Variants in DHX37 observed in about 807,000 individuals in gnomAD.
DHX37 encodes DEAH-box helicase 37.
A neutral mutation model predicts 134.3 loss-of-function variants in DHX37; 52 were observed. The ratio of observed to expected loss-of-function variants is 0.39; its 90% CI spans 0.31 to 0.49. The LOEUF (loss-of-function observed/expected upper bound fraction) is 0.49. DHX37 is among the 20% of genes least tolerant of loss of function. DHX37 has a pLI of 0.93. For synonymous variants in DHX37, 634 were observed against 670.7 expected, an observed-to-expected ratio of 0.95 and a Z score of 0.85; for missense variants, 1,344 against 1,580.8, an observed-to-expected ratio of 0.85 and a Z score of 2.54.
intron 15 of DHX37, among the ~76,000 whole-genome samples, chr12:124,961,706 C>A (rs931668927): frequency 6.6e-6 from 1 of 152,154 alleles, no homozygotes; most frequent in Non-Finnish European, 1.5e-5. Flanking sequence ...GGATTACAGG[C>A]GTGAGCCATG....
chr12:124,965,053 C>T (rs1453846982), intron 13 of DHX37, 47 bp from the exon 14 acceptor site: 1 of 1,562,926 alleles, frequency 6.4e-7, no homozygotes, highest in Non-Finnish European at 8.7e-7. Context: ...GGACAGATGC[C>T]CACAGGCAGG....
intron 10 of DHX37, among the ~76,000 whole-genome samples, chr12:124,968,077 T>C (rs1954430978): frequency 2.8e-5 from 1 of 35,188 alleles, no homozygotes; most frequent in Non-Finnish European, 1.1e-4. Flanking sequence ...TAAAACTCCG[T>C]CTCAAAAAAA....
intron 8 of DHX37, among the ~76,000 whole-genome samples, chr12:124,969,978 T>C (rs1048215850): frequency 6.6e-6 from 1 of 152,048 alleles, no homozygotes; most frequent in Non-Finnish European, 1.5e-5. Context: ...CGTTTCTTTT[T>C]GTTTTTGTTT....
intron 26 of DHX37, 98 bp from the exon 27 acceptor site, chr12:124,947,985 C>T: frequency 6.2e-7 from 1 of 1,613,108 alleles, no homozygotes; most frequent in Non-Finnish European, 8.5e-7. Context: ...GGGCCAGATC[C>T]TTCTGCCAAG....
intron 22 of DHX37, 66 bp downstream of exon 22, chr12:124,950,624 G>T: frequency 6.4e-7 from 1 of 1,572,502 alleles, no homozygotes; most frequent in Non-Finnish European, 8.6e-7. Flanking sequence ...TCTGCCCCAG[G>T]GTCCCAGCCA....
At chr12:124,972,997 T>A (rs1954550561) in intron 6 of DHX37, among the ~76,000 whole-genome samples, 1 of 152,200 alleles carries the variant, frequency 6.6e-6, no homozygotes. Flanking sequence ...CAAAAATTAA[T>A]CTGGTGTGGT....
In DHX37 at chr12:124,968,883, G is replaced by A. The variant is rs201552563; in HGVS notation, c.1277C>T (p.Pro426Leu). The A allele has an allele frequency of 5.2e-5, 84 of 1,614,084 alleles. No homozygotes were observed. Among genetic ancestry groups the A allele is most frequent in the African/African-American group, 4.7e-4 (35 of 75,052 alleles). ...FTQNPRLFAK[P>L]PPVIKVESRQ... ...CTGTGTTACCTTGATGACCGGCGGC[G>A]GCTTGGCGAAGAGCCGTGGGTTCTG... The change falls in exon 9 of 27, where the codon CCG (proline) becomes CTG (leucine). Residue 426 changes from proline to leucine, a missense_variant. Transcript: ENST00000308736.
intron 25 of DHX37, 87 bp from the exon 26 acceptor site, chr12:124,948,268 C>T: frequency 6.6e-7 from 1 of 1,513,122 alleles, no homozygotes; most frequent in Non-Finnish European, 8.8e-7. Flanking sequence ...CAGGCATCAC[C>T]ACCCCACCAG....
At chr12:124,961,467 C>T (rs544656937) in intron 15 of DHX37, among the ~76,000 whole-genome samples, 16 of 152,248 alleles carry the variant, frequency 1.1e-4, no homozygotes, top group Admixed American at 9.8e-4. Context: ...CTCGCTCTGT[C>T]GCCCAAGCTG....
chr12:124,953,600 T>G, intron 20 of DHX37: 1 of 446,268 alleles, frequency 2.2e-6, no homozygotes, highest in Non-Finnish European at 4.1e-6. Flanking sequence ...ACAGCGGTGA[T>G]GGAAAATGGC....
chr12:124,964,724 G>A, intron 14 of DHX37, 98 bp from the exon 15 acceptor site: 1 of 1,539,400 alleles, frequency 6.5e-7, no homozygotes, highest in Non-Finnish European at 8.7e-7. Context: ...TGGTGTGCTG[G>A]AGACGTAGCA....
chr12:124,960,312 C>A lies in DHX37; in HGVS notation c.2157G>T (p.Lys719Asn). 1.2e-6 allele frequency: 2 copies of A among 1,611,334 alleles called. No homozygotes were observed. Among genetic ancestry groups the A allele is most frequent in the African/African-American group, 1.3e-5 (1 of 74,962 alleles). ...AGCGGGGCTGGGGGCAGCAACTGAC[C>A]TTTTCAACGTTGAGCGCCTTCATTT... ...ILQMKALNVE[K>N]VINFPFPTPP... Residue 719 changes from lysine to asparagine, a missense_variant and splice_region_variant, in exon 16 of 27, where the codon AAG (lysine) becomes AAT (asparagine). Lys to Asn is a moderately conservative substitution (Grantham distance 94). Around this residue, in one of 7 missense-constraint regions of DHX37, gnomAD observed 558 missense variants for 650.0 expected, o/e 0.86. Transcript: ENST00000308736.
intron 13 of DHX37, 103 bp from the exon 14 acceptor site, chr12:124,965,109 T>C: frequency 5.3e-6 from 7 of 1,315,660 alleles, no homozygotes; most frequent in Non-Finnish European, 7.3e-6. Flanking sequence ...CCACCAGAGC[T>C]CCTTTCTTTG....
chr12:124,975,626 G>A (rs1451365676), intron 5 of DHX37, 115 bp from the exon 6 acceptor site: 45 of 1,103,384 alleles, frequency 4.1e-5, no homozygotes, highest in Admixed American at 1.3e-4. Context: ...ACCCAGGGGC[G>A]GTGGGAAACA....
chr12:124,985,025 G>A (rs1954837867), intron 2 of DHX37, among the ~76,000 whole-genome samples: 1 of 152,140 alleles, frequency 6.6e-6, no homozygotes, highest in African/African-American at 2.4e-5. Context: ...GAGTGACGCA[G>A]CCACAAGCCA....
intron 21 of DHX37, 150 bp from the exon 22 acceptor site, chr12:124,950,954 G>A (rs764121283): frequency 7.6e-6 from 9 of 1,186,932 alleles, no homozygotes; most frequent in African/African-American, 6.4e-5. Flanking sequence ...CCATCCACAC[G>A]CTGGAGTCTG....
At chr12:124,959,757 T>G (rs1954188582) in intron 16 of DHX37, among the ~76,000 whole-genome samples, 1 of 152,154 alleles carries the variant, frequency 6.6e-6, no homozygotes, top group South Asian at 2.1e-4. Context: ...GAAAAATCAG[T>G]GAGCACAGAT....
chr12:124,974,220 C>T (rs1158421001), intron 6 of DHX37, among the ~76,000 whole-genome samples: 2 of 152,114 alleles, frequency 1.3e-5, no homozygotes, highest in South Asian at 2.1e-4. Flanking sequence ...TCCCAAAGTG[C>T]TGGGATTACA....
At chr12:124,955,161 T>G (rs76392606) in intron 18 of DHX37, among the ~76,000 whole-genome samples, 5,455 of 152,342 alleles carry the variant, frequency 0.036, 352 homozygotes, top group African/African-American at 0.12. Flanking sequence ...GGCAAAGGGA[T>G]GCCCAGATAG....
Sources: allele counts gnomAD v4.1 joint callset (sites outside exome capture counted in the v4.1 genomes callset), GRCh38; gene constraint gnomAD v4.1.1; regional missense constraint gnomAD v4.1.1; transcripts MANE v1.5; gene names NCBI Gene and HGNC (gene_info 2026-07-23, HGNC 2026-07-21).